Variants in TRDN observed in about 807,000 individuals in gnomAD.
The protein encoded by TRDN is triadin in skeletal muscle.
A neutral mutation model predicts 149.7 loss-of-function variants in TRDN; 161 were observed. That is an observed-to-expected ratio of 1.08 (90% CI 0.95 to 1.23). The LOEUF is 1.23. Ranked by LOEUF, TRDN falls within the 50% of genes most tolerant of loss-of-function variation. The pLI, the probability that TRDN is intolerant of heterozygous loss-of-function variation, is 0.00. For synonymous variants in TRDN, 294 were observed against 250.5 expected (o/e 1.17, Z -1.64); for missense variants, 896 against 823.5 (o/e 1.09, Z -1.08).
chr6:123,410,837 T>A lies in TRDN; in HGVS notation c.1052-17160A>T, dbSNP rs74568734. Among the ~76,000 whole-genome samples the A allele has an allele frequency of 3.1e-3, 469 of 152,166 alleles. 14 individuals are homozygous for A. In the East Asian group the frequency reaches 0.077, roughly 25 times the overall value. The stretch of plus-strand genomic sequence containing the variant: ...GCCTTTATTTCTGTCCCTTAGTGTG[T>A]TAATATATTTCTAAATTTTGCTTCA... On this transcript the variant is annotated intron_variant, in intron 12 of 40. Coordinates refer to ENST00000334268, the MANE Select transcript of TRDN (RefSeq NM_006073.4).
chr6:123,278,921 C>A lies in TRDN; in HGVS notation c.1537+135G>T, dbSNP rs17735121. ...TGTAAGAAAATGAGTACATTGTCTA[C>A]ACAAAACAAGCCTTTGACTTTAAGC... On this transcript the variant is annotated intron_variant, in intron 25 of 40. Transcript: ENST00000334268. 41,021 of 726,544 alleles carry A rather than the reference C, an allele frequency of 0.056. 1,369 individuals carry two copies. Among genetic ancestry groups the A allele is most frequent in the Non-Finnish European group, 0.066 (31,965 of 483,532 alleles). 45.0% of individuals were successfully genotyped at this position (726,544 alleles called of 1,614,324 possible).
rs148427082 is a variant in TRDN at position 123,509,871 on chromosome 6, T to C, written c.610+2432A>G. On this transcript the variant is annotated intron_variant, in intron 7 of 40. Transcript: ENST00000334268. ...AATTATTTTTGTGAAGAATACTCAA[T>C]GTATACTGACTGCACCTGGGTTTTT... 2.6e-5 allele frequency: 4 copies of C among 152,300 alleles called. No homozygotes were observed. The East Asian group carries it at 7.7e-4, about 29-fold the overall frequency. 9.4% of individuals were successfully genotyped at this position (152,300 alleles called of 1,614,324 possible). A position where few individuals can be genotyped will look rare whatever the true frequency, so the allele number is the denominator to read the frequency against.
chr6:123,614,070 A>C (rs922612262), intron 1 of TRDN, among the ~76,000 whole-genome samples: 12 of 151,694 alleles, frequency 7.9e-5, no homozygotes, highest in African/African-American at 2.9e-4. Flanking sequence ...TAAGACCAGC[A>C]CCTCCTCAGT....
intron 1 of TRDN, among the ~76,000 whole-genome samples, chr6:123,586,879 C>T (rs1783517927): frequency 6.6e-6 from 1 of 151,278 alleles, no homozygotes; most frequent in Non-Finnish European, 1.5e-5. Context: ...AAGGTCAGGG[C>T]ATGGAAATAA....
At chr6:123,589,568 T>C (rs1475545300) in intron 1 of TRDN, among the ~76,000 whole-genome samples, 1 of 152,184 alleles carries the variant, frequency 6.6e-6, no homozygotes, top group African/African-American at 2.4e-5. Flanking sequence ...TACTTTCTCT[T>C]TCCTAAAGAT....
chr6:123,636,850 G>C lies in TRDN; in HGVS notation c.-75C>G. ...CTTTGCAGAGTATTTGGGGATTTGA[G>C]AACTCTGGTGGAGGGTTCTGTGTCA... On this transcript the variant is annotated 5_prime_UTR_variant, in exon 1 of 41. Transcript: ENST00000334268. 2 of 1,569,890 alleles carry C rather than the reference G, an allele frequency of 1.3e-6. No homozygotes were observed. Among genetic ancestry groups the C allele is most frequent in the Non-Finnish European group, 1.8e-6 (2 of 1,141,424 alleles).
intron 26 of TRDN, among the ~76,000 whole-genome samples, chr6:123,275,344 C>T (rs763653389): frequency 7.9e-5 from 12 of 152,080 alleles, no homozygotes; most frequent in East Asian, 5.8e-4. Context: ...AAGATGACCA[C>T]GCGATAATAG....
intron 21 of TRDN, among the ~76,000 whole-genome samples, chr6:123,339,906 CT>C (rs1475230266): frequency 6.6e-6 from 1 of 151,966 alleles, no homozygotes; most frequent in Admixed American, 6.6e-5. Context: ...ATTGCCAGAC[CT>C]TTAAAAATTT....
intron 38 of TRDN, among the ~76,000 whole-genome samples, chr6:123,231,905 C>A (rs888886009): frequency 1.3e-5 from 2 of 151,930 alleles, no homozygotes; most frequent in African/African-American, 4.8e-5. Context: ...AGAGTAGAAT[C>A]CCCTCTTGGG....
At chr6:123,278,738 C>A (rs896582943) in intron 25 of TRDN, among the ~76,000 whole-genome samples, 8 of 152,156 alleles carry the variant, frequency 5.3e-5, no homozygotes, top group Non-Finnish European at 1.5e-5. Context: ...CCACTGCCCA[C>A]TGCCTGGGCA....
intron 13 of TRDN, among the ~76,000 whole-genome samples, chr6:123,391,771 A>T (rs1207479693): frequency 6.6e-6 from 1 of 152,104 alleles, no homozygotes; most frequent in Non-Finnish European, 1.5e-5. Flanking sequence ...GAACAGATCT[A>T]ATCTAGCCTT....
At chr6:123,265,196 G>A (rs1302576658) in intron 33 of TRDN, 122 bp downstream of exon 33, 4 of 720,724 alleles carry the variant, frequency 5.5e-6, no homozygotes, top group East Asian at 3.2e-5. Flanking sequence ...TATGGTAATA[G>A]TATAATGGCT....
chr6:123,330,537 ACT>A (rs1387062280), intron 23 of TRDN, among the ~76,000 whole-genome samples: 3 of 151,976 alleles, frequency 2.0e-5, no homozygotes, highest in East Asian at 1.9e-4. Context: ...CAATAAACTA[ACT>A]CTCTCATAAA....
At chr6:123,290,519 T>C (rs549742537) in intron 24 of TRDN, among the ~76,000 whole-genome samples, 124 of 152,318 alleles carry the variant, frequency 8.1e-4, no homozygotes, top group Non-Finnish European at 1.4e-3. Context: ...ATGGTTAAAA[T>C]GGCTTTAAAT....
chr6:123,241,664 C>T (rs1022082021), intron 38 of TRDN, among the ~76,000 whole-genome samples: 1 of 151,874 alleles, frequency 6.6e-6, no homozygotes, highest in African/African-American at 2.4e-5. Context: ...AACTACTTTT[C>T]TAGCAGGCTT....
At chr6:123,249,257 T>C (rs1776292322) in intron 38 of TRDN, among the ~76,000 whole-genome samples, 1 of 151,992 alleles carries the variant, frequency 6.6e-6, no homozygotes, top group African/African-American at 2.4e-5. Context: ...CCAGTCAGAA[T>C]GGCTATTATT....
chr6:123,554,124 T>C (rs1295924622), intron 2 of TRDN, among the ~76,000 whole-genome samples: 1 of 152,120 alleles, frequency 6.6e-6, no homozygotes, highest in African/African-American at 2.4e-5. Context: ...CAACTAATGT[T>C]TGCCCCTGAC....
In TRDN at chr6:123,366,200, A is replaced by C; in HGVS notation, c.1274-18T>G. 6.2e-7 allele frequency: 1 copy of C among 1,611,964 alleles called. No homozygotes were observed. The highest frequency in any genetic ancestry group is 8.5e-7 in the Non-Finnish European group (1 of 1,178,546). On this transcript the variant is annotated intron_variant, in intron 19 of 40. Coordinates refer to ENST00000334268, the MANE Select transcript of TRDN (RefSeq NM_006073.4). ...TTCAGTTTCTGCAAGTTCAGATATT[A>C]AAGGAATGAGAAGTGGATATTAGTG... is the stretch of plus-strand genomic sequence containing the variant.
At chr6:123,442,532 C>T (rs1259103811) in intron 10 of TRDN, among the ~76,000 whole-genome samples, 1 of 89,982 alleles carries the variant, frequency 1.1e-5, no homozygotes, top group African/African-American at 6.6e-5. Flanking sequence ...GGCCACAGAG[C>T]GAGACTCCGT....
Sources: gnomAD v4.1 joint callset for allele counts (sites outside exome capture counted in the v4.1 genomes callset) on GRCh38, gnomAD v4.1.1 for gene constraint, MANE v1.5 for transcripts, NCBI Gene and HGNC (gene_info 2026-07-23, HGNC 2026-07-21) for gene names.